The following AUP1 variants were observed in gnomAD, a reference collection of about 807,000 sequenced individuals.
AUP1 encodes AUP1 lipid droplet regulating VLDL assembly factor, also known as lipid droplet-regulating VLDL assembly factor AUP1.
AUP1 carries 30 observed loss-of-function variants against 51.8 expected under a neutral mutation model. The ratio of observed to expected loss-of-function variants is 0.58; its 90% CI spans 0.43 to 0.79. AUP1 has a LOEUF of 0.79. AUP1 is among the 30% of genes least tolerant of loss of function. The pLI, the probability that AUP1 is intolerant of heterozygous loss-of-function variation, is 0.00. For missense variants in AUP1, 492 were observed against 517.1 expected, an observed-to-expected ratio of 0.95 and a Z score of 0.47; for synonymous variants, 227 against 209.0, an observed-to-expected ratio of 1.09 and a Z score of -0.74.
rs771102811 is a variant in AUP1 at position 74,529,651 on chromosome 2, C to T, written c.-22G>A. 2 of 1,547,940 alleles carry T rather than the reference C, an allele frequency of 1.3e-6. No homozygotes were observed. Among genetic ancestry groups the T allele is most frequent in the Non-Finnish European group, 8.7e-7 (1 of 1,148,972 alleles). ...CCATAACTGCTGCTTCAGGAGCGCCCGGCCGTCGCCGCCGCCGCCATTTTC... is the reference window on the plus strand; with the variant it reads ...CCATAACTGCTGCTTCAGGAGCGCCTGGCCGTCGCCGCCGCCGCCATTTTC... On this transcript the variant is annotated 5_prime_UTR_variant, in exon 1 of 12. Coordinates refer to ENST00000377526, the MANE Select transcript of AUP1 (RefSeq NM_181575.5).
In AUP1 at chr2:74,529,228, GTCC is replaced by G. The variant is rs760551183; in HGVS notation, c.240_242del (p.Glu80del). 12 of 1,614,110 alleles carry G rather than the reference GTCC, an allele frequency of 7.4e-6. No individual in the cohort carries two copies. The Admixed American group carries it at 1.0e-4, about 13-fold the overall frequency. ...TGACACTGTGATCCCGGAGTCCGGA[GTCC>G]TCCTGCCGGGCCACGAGCCCTAGCA... is the stretch of plus-strand genomic sequence containing the variant. On this transcript the variant is annotated inframe_deletion, in exon 3 of 12. Coordinates refer to ENST00000377526, the MANE Select transcript of AUP1 (RefSeq NM_181575.5).
chr2:74,529,596 G>A lies in AUP1; in HGVS notation c.34C>T (p.Leu12Phe), dbSNP rs1675418466. ...GTCTCTTACCGGTGCGAGTCAAAGA[G>A]CCGCTCCGGCCCCGGCCCTGAGGGA... ...ELPSGPGPER[L>F]FDSHRLPGDC... is the part of the protein sequence containing the mutation. Residue 12 changes from leucine to phenylalanine, a missense_variant, in exon 1 of 12, where the codon CTC becomes TTC. Transcript: ENST00000377526. 6.4e-7 allele frequency: 1 copy of A among 1,567,732 alleles called. No homozygotes were observed. Among genetic ancestry groups the A allele is most frequent in the Non-Finnish European group, 8.7e-7 (1 of 1,155,096 alleles).
At chr2:74,529,102 C>T in intron 3 of AUP1, 30 bp downstream of exon 3, 1 of 1,614,166 alleles carries the variant, frequency 6.2e-7, no homozygotes, top group Admixed American at 1.7e-5. Flanking sequence ...GGAACCGCCC[C>T]GTGGCGCTCT....
chr2:74,529,331 T>G (rs761530296), intron 2 of AUP1, 31 bp downstream of exon 2: 2 of 1,613,628 alleles, frequency 1.2e-6, no homozygotes, highest in Admixed American at 3.3e-5. Context: ...CAGACCCAGC[T>G]CTGACACTCC....
Position 74,528,944 on chromosome 2 carries a change from CAGG to C in AUP1, c.340-12_340-10del, listed in dbSNP as rs778575089. 2.8e-5 allele frequency: 45 copies of C among 1,612,992 alleles called. No individual in the cohort carries two copies. The highest frequency in any genetic ancestry group is 3.6e-5 in the Non-Finnish European group (42 of 1,179,742). ...GGACTATTGAGTAGAGGCTGGGAAC[CAGG>C]AGAAGAGAAAGCAAGAAGAAAAATA... On this transcript the variant is annotated splice_polypyrimidine_tract_variant and intron_variant, in intron 3 of 11. Transcript: ENST00000377526.
intron 8 of AUP1, 62 bp downstream of exon 8, chr2:74,527,674 A>C: frequency 2.5e-6 from 4 of 1,587,826 alleles, no homozygotes; most frequent in South Asian, 2.3e-5. Context: ...GAAATAGGGG[A>C]GGAATCACAG....
rs1675207318 is a variant in AUP1, at chr2:74,526,796, G to C, written c.*4C>G. 6.5e-7 allele frequency: 1 copy of C among 1,536,662 alleles called. No individual in the cohort carries two copies. Among genetic ancestry groups the C allele is most frequent in the African/African-American group, 1.4e-5 (1 of 72,394 alleles). ...GCTCTGGGTGCCATCCTGTTCCTTTGAGCTCAGTCAGCCTCCTGGGCTCGT... is the reference window on the plus strand; with the variant it reads ...GCTCTGGGTGCCATCCTGTTCCTTTCAGCTCAGTCAGCCTCCTGGGCTCGT... On this transcript the variant is annotated 3_prime_UTR_variant, in exon 12 of 12. Transcript: ENST00000377526.
Position 74,528,836 on chromosome 2 carries a change from C to T in AUP1, c.439G>A (p.Ala147Thr). The T allele has an allele frequency of 6.2e-7, 1 of 1,614,128 alleles. No homozygotes were observed. The highest frequency in any genetic ancestry group is 1.1e-5 in the South Asian group (1 of 91,082). ...GGAGTGGGGGGAAGCCTCGTGGAAG[C>T]ACAGAATCTCTTGAGTGACTCCACC... is the stretch of plus-strand genomic sequence containing the variant. ...ELVESLKRFC[A>T]STRLPPTPLL... Residue 147 changes from alanine (A) to threonine (T), a missense_variant, in exon 4 of 12, where the codon GCT (alanine) becomes ACT (threonine). By Grantham distance (58) the Ala-to-Thr change is moderately conservative. Transcript: ENST00000377526.
Position 74,529,427 on chromosome 2 carries a change from C to T in AUP1, c.123G>A (p.Leu41=). The T allele has an allele frequency of 6.3e-7, 1 of 1,584,892 alleles. No homozygotes were observed. The highest frequency in any genetic ancestry group is 8.6e-7 in the Non-Finnish European group (1 of 1,164,704). The change falls in exon 2 of 12, where the codon CTG becomes CTA. Residue 41 remains leucine (L), a synonymous_variant. Coordinates refer to ENST00000377526, the MANE Select transcript of AUP1 (RefSeq NM_181575.5). ...YAPVGFCLLV[L]RLFLGIHVFL... ...AGACGTGGATCCCGAGAAAGAGGCGCAGGACGAGGAGGCAGAACCCGACTG... is the reference window on the plus strand; with the variant it reads ...AGACGTGGATCCCGAGAAAGAGGCGTAGGACGAGGAGGCAGAACCCGACTG...
rs1401429239 is a variant in AUP1 at position 74,529,390 on chromosome 2, A to G, written c.160T>C (p.Cys54Arg). 6.2e-7 allele frequency: 1 copy of G among 1,606,980 alleles called. No individual in the cohort carries two copies. The highest frequency in any genetic ancestry group is 1.7e-5 in the Admixed American group (1 of 58,816). The change falls in exon 2 of 12, where the codon TGC becomes CGC. Residue 54 changes from cysteine (C) to arginine (R), a missense_variant. By Grantham distance (180) the Cys-to-Arg change is radical. Coordinates refer to ENST00000377526, the MANE Select transcript of AUP1 (RefSeq NM_181575.5). Reference protein sequence around the residue: ...FLGIHVFLVSCALPDSVLRRF... With the variant: ...FLGIHVFLVSRALPDSVLRRF... ...CGAAGGACGCTGTCTGGCAGCGCGC[A>G]GCTGACCAGGAAGACGTGGATCCCG... is the stretch of plus-strand genomic sequence containing the variant.
In AUP1 at chr2:74,529,186, G is replaced by A; in HGVS notation, c.285C>T (p.Asn95=). 6.2e-7 allele frequency: 1 copy of A among 1,614,204 alleles called. No homozygotes were observed. The highest frequency in any genetic ancestry group is 8.5e-7 in the Non-Finnish European group (1 of 1,180,018). ...TGTTGTGGTCGAAAGGTGTCACATG[G>A]TTGGAAATGAGGACCCTGACACTGT... ...RDHSVRVLIS[N]HVTPFDHNIV... is the part of the protein sequence containing the mutation. The change falls in exon 3 of 12, where the codon AAC becomes AAT. Residue 95 remains asparagine (N), a synonymous_variant. Coordinates refer to ENST00000377526, the MANE Select transcript of AUP1 (RefSeq NM_181575.5).
rs761622172 is a variant in AUP1, at chr2:74,529,291, A to G, written c.189-9T>C. The G allele has an allele frequency of 1.2e-6, 2 of 1,614,160 alleles. No individual in the cohort carries two copies. The highest frequency in any genetic ancestry group is 2.2e-5 in the South Asian group (2 of 91,072). On this transcript the variant is annotated splice_polypyrimidine_tract_variant and intron_variant, in intron 2 of 11. Coordinates refer to ENST00000377526, the MANE Select transcript of AUP1 (RefSeq NM_181575.5). The stretch of plus-strand genomic sequence containing the variant: ...TGGTCCGCACTACGAATCTGGGGAC[A>G]CAGGAGGTGGTGACTGTGTGGCCTC...
At position 74,528,764 on chromosome 2, in the gene AUP1, G is replaced by A. The variant is rs1286137111; in HGVS notation, c.511C>T (p.Leu171Phe). The change falls in exon 4 of 12, where the codon CTC (leucine) becomes TTC (phenylalanine). Residue 171 changes from leucine to phenylalanine, a missense_variant. Coordinates refer to ENST00000377526, the MANE Select transcript of AUP1 (RefSeq NM_181575.5). The part of the protein sequence containing the change: ...EEEATNGREG[L>F]LRFSSWPFSI... ...TGCTAAACCCACCTGAAGCGCAGGA[G>A]CCCCTCCCGGCCATTGGTGGCCTCT... 2 of 1,602,374 alleles carry A rather than the reference G, an allele frequency of 1.2e-6. No homozygotes were observed. The highest frequency in any genetic ancestry group is 1.7e-6 in the Non-Finnish European group (2 of 1,174,156).
chr2:74,527,260 G>C lies in AUP1; in HGVS notation c.1065C>G (p.Ala355=). Residue 355 remains alanine (A), a synonymous_variant, in exon 10 of 12, where the codon GCC becomes GCG. Coordinates refer to ENST00000377526, the MANE Select transcript of AUP1 (RefSeq NM_181575.5). ...TCCTGGGTCTCACCTTGGAGGCAGA[G>C]GCTGTGGGTAGGGACTGAGTTCCCT... ...ITKGTQSLPT[A]SASKFPSSGP... is the part of the protein sequence containing the mutation. 1 of 1,613,854 alleles carries C rather than the reference G, an allele frequency of 6.2e-7. No individual in the cohort carries two copies. Among genetic ancestry groups the C allele is most frequent in the Non-Finnish European group, 8.5e-7 (1 of 1,179,878 alleles).
intron 6 of AUP1, 27 bp downstream of exon 6, chr2:74,528,221 C>A (rs528209132): frequency 3.7e-6 from 6 of 1,604,658 alleles, no homozygotes; most frequent in Non-Finnish European, 5.1e-6. Context: ...CTCTCCCCAG[C>A]GACCAAAATG....
rs753956503 is a variant in AUP1 at position 74,527,212 on chromosome 2, C to A, written c.1077+36G>T. The A allele has an allele frequency of 1.2e-5, 20 of 1,606,368 alleles. No homozygotes were observed. The highest frequency in any genetic ancestry group is 1.6e-5 in the Non-Finnish European group (19 of 1,175,416). ...AGTACATAGCCTGCCCCCAACTCAC[C>A]CCAACACTTGGATCTGACCATTTCC... On this transcript the variant is annotated intron_variant, in intron 10 of 11. Coordinates refer to ENST00000377526, the MANE Select transcript of AUP1 (RefSeq NM_181575.5).
At position 74,529,231 on chromosome 2, in the gene AUP1, C is replaced by T. The variant is rs575830403; in HGVS notation, c.240G>A (p.Glu80=). The part of the protein sequence containing the change: ...CAVLGLVARQ[E]DSGLRDHSVR... ...CACTGTGATCCCGGAGTCCGGAGTCCTCCTGCCGGGCCACGAGCCCTAGCA... is the reference window on the plus strand; with the variant it reads ...CACTGTGATCCCGGAGTCCGGAGTCTTCCTGCCGGGCCACGAGCCCTAGCA... Residue 80 remains glutamate (E), a synonymous_variant, in exon 3 of 12, where the codon GAG becomes GAA. Coordinates refer to ENST00000377526, the MANE Select transcript of AUP1 (RefSeq NM_181575.5). 4.3e-6 allele frequency: 7 copies of T among 1,614,192 alleles called. No individual in the cohort carries two copies. In the South Asian group the frequency reaches 7.7e-5, roughly 18 times the overall value.
At chr2:74,529,025 G>A (rs1675361416) in intron 3 of AUP1, 90 bp from the exon 4 acceptor site, 10 of 1,605,344 alleles carry the variant, frequency 6.2e-6, no homozygotes, top group Non-Finnish European at 8.5e-6. Context: ...TCGGGGTTAG[G>A]GGTAAGGCTC....
At chr2:74,528,994 A>AT in intron 3 of AUP1, 59 bp from the exon 4 acceptor site, 1 of 1,606,370 alleles carries the variant, frequency 6.2e-7, no homozygotes, top group Non-Finnish European at 8.5e-7. Context: ...GAAAAAAAAA[A>AT]CTGACATGTT....
Sources: allele counts gnomAD v4.1 joint callset, GRCh38; gene constraint gnomAD v4.1.1; transcripts MANE v1.5; gene names NCBI Gene and HGNC (gene_info 2026-07-23, HGNC 2026-07-21).